The following WWOX variants were observed in gnomAD, a reference collection of about 807,000 sequenced individuals.
WWOX encodes WW domain-containing oxidoreductase.
Under a neutral mutation model 46.2 loss-of-function variants are expected in WWOX, and 69 were observed. That is an observed-to-expected ratio of 1.49 (90% CI 1.23 to 1.82). WWOX has a LOEUF of 1.82. Among genes scored for constraint, WWOX ranks in the 40% most tolerant of loss-of-function variants. WWOX has a pLI of 0.00. For missense variants in WWOX, 919 were observed against 542.6 expected, an observed-to-expected ratio of 1.69 and a Z score of -6.89; for synonymous variants, 359 against 202.6, an observed-to-expected ratio of 1.77 and a Z score of -6.56.
chr16:78,534,472 A>G (rs2043708348), intron 8 of WWOX: 1 of 152,234 alleles, frequency 6.6e-6, no homozygotes, highest in Admixed American at 6.5e-5. Flanking sequence ...ATTTTGATTC[A>G]GACGTCCACA....
intron 8 of WWOX, among the ~76,000 whole-genome samples, chr16:78,706,067 T>TTTTG (rs1555520302): frequency 6.6e-6 from 1 of 150,506 alleles, no homozygotes; most frequent in South Asian, 2.1e-4. Flanking sequence ...GGTTTTTTTT[T>TTTTG]TTTTTTTTTT....
chr16:78,857,465 A>T (rs1055198749), intron 8 of WWOX, among the ~76,000 whole-genome samples: 26 of 152,198 alleles, frequency 1.7e-4, no homozygotes, highest in Non-Finnish European at 3.8e-4. Context: ...TGTAATTCAC[A>T]GCCTCATTCC....
intron 8 of WWOX, among the ~76,000 whole-genome samples, chr16:79,100,754 G>T (rs1384377562): frequency 6.6e-6 from 1 of 152,116 alleles, no homozygotes; most frequent in Non-Finnish European, 1.5e-5. Context: ...TTCAGGGACT[G>T]GGGCTGGGCT....
chr16:78,919,527 T>C (rs1480371274), intron 8 of WWOX, among the ~76,000 whole-genome samples: 1 of 149,906 alleles, frequency 6.7e-6, no homozygotes, highest in East Asian at 2.0e-4. Context: ...TTGTTTTGTT[T>C]TTTTTTTTTT....
chr16:79,087,920 G>A (rs2048883291), intron 8 of WWOX, among the ~76,000 whole-genome samples: 2 of 152,150 alleles, frequency 1.3e-5, no homozygotes, highest in African/African-American at 4.8e-5. Context: ...GGAGGCCTAG[G>A]GACCCTTGGC....
At chr16:78,479,530 G>A (rs1366238832) in intron 8 of WWOX, among the ~76,000 whole-genome samples, 1 of 152,172 alleles carries the variant, frequency 6.6e-6, no homozygotes, top group African/African-American at 2.4e-5. Flanking sequence ...AAGTCACTTT[G>A]TGGCATGATG....
intron 8 of WWOX, among the ~76,000 whole-genome samples, chr16:78,712,825 A>G (rs1277989195): frequency 6.6e-6 from 1 of 152,208 alleles, no homozygotes; most frequent in Admixed American, 6.5e-5. Flanking sequence ...TAAATAATTC[A>G]AGATTGGAAA....
At chr16:78,558,587 C>T (rs1458516992) in intron 8 of WWOX, among the ~76,000 whole-genome samples, 2 of 152,206 alleles carry the variant, frequency 1.3e-5, no homozygotes, top group East Asian at 3.9e-4. Flanking sequence ...GGCCTGGCCT[C>T]CTAGGCATTG....
At chr16:79,178,143 A>G (rs1488935226) in intron 8 of WWOX, among the ~76,000 whole-genome samples, 3 of 152,172 alleles carry the variant, frequency 2.0e-5, no homozygotes, top group Non-Finnish European at 2.9e-5. Flanking sequence ...CAACGCTTGA[A>G]TTTTTTGAGG....
At chr16:78,567,673 G>A (rs1237585605) in intron 8 of WWOX, among the ~76,000 whole-genome samples, 1 of 151,624 alleles carries the variant, frequency 6.6e-6, no homozygotes, top group Non-Finnish European at 1.5e-5. Flanking sequence ...CTAGGGCAAA[G>A]AAGAACCAAC....
In WWOX at chr16:78,691,468, AGGCTGAAGTG is replaced by A. The variant is rs2047986144; in HGVS notation, c.1056+258719_1056+258728del. Among the ~76,000 whole-genome samples, 8 of 152,266 alleles carry A rather than the reference AGGCTGAAGTG, an allele frequency of 5.3e-5. No homozygotes were observed. The South Asian group carries it at 1.2e-3, about 24-fold the overall frequency. On this transcript the variant is annotated intron_variant, in intron 8 of 8. Coordinates refer to ENST00000566780, the MANE Select transcript of WWOX (RefSeq NM_016373.4). ...TCTCCACACTTTGGGAGGCTGAAGTAGGCTGAAGTGGGAGGATGGTTAGAGCCTAGGAGTT... is the reference window on the plus strand; with the variant it reads ...TCTCCACACTTTGGGAGGCTGAAGTAGGAGGATGGTTAGAGCCTAGGAGTT...
chr16:78,568,001 C>T (rs143667136), intron 8 of WWOX, among the ~76,000 whole-genome samples: 1 of 152,172 alleles, frequency 6.6e-6, no homozygotes, highest in Non-Finnish European at 1.5e-5. Context: ...TCTAGAGCCT[C>T]TGTTCACTAC....
At chr16:79,080,305 C>G (rs984914833) in intron 8 of WWOX, among the ~76,000 whole-genome samples, 1 of 152,298 alleles carries the variant, frequency 6.6e-6, no homozygotes, top group African/African-American at 2.4e-5. Context: ...CTCTGTACAT[C>G]TGGTTCAATT....
chr16:78,680,670 T>A (rs11150094), intron 8 of WWOX, among the ~76,000 whole-genome samples: 22 of 152,074 alleles, frequency 1.4e-4, no homozygotes, highest in Non-Finnish European at 3.1e-4. Flanking sequence ...TTACAAGTGC[T>A]AAACATCCGG....
At chr16:78,369,990 G>T (rs1877220779) in intron 5 of WWOX, among the ~76,000 whole-genome samples, 1 of 151,944 alleles carries the variant, frequency 6.6e-6, no homozygotes, top group South Asian at 2.1e-4. Flanking sequence ...AAAATAGCCA[G>T]GTGTCCTGGT....
chr16:78,447,971 C>T (rs2083600631), intron 8 of WWOX, among the ~76,000 whole-genome samples: 1 of 152,058 alleles, frequency 6.6e-6, no homozygotes, highest in East Asian at 1.9e-4. Context: ...ATCCAGCTGA[C>T]TTTTGTATTT....
chr16:79,206,452 C>T (rs998395572), intron 8 of WWOX: 1 of 152,196 alleles, frequency 6.6e-6, no homozygotes, highest in East Asian at 1.9e-4. Flanking sequence ...AGGCTTCTCT[C>T]TAAATAAATG....
At chr16:78,239,111 G>A (rs2037540887) in intron 5 of WWOX, among the ~76,000 whole-genome samples, 1 of 152,126 alleles carries the variant, frequency 6.6e-6, no homozygotes, top group Non-Finnish European at 1.5e-5. Flanking sequence ...TCCTCAGGTG[G>A]CCACTGTGTC....
chr16:78,404,619 A>G (rs182249074), intron 6 of WWOX, among the ~76,000 whole-genome samples: 5 of 152,300 alleles, frequency 3.3e-5, no homozygotes, highest in East Asian at 3.9e-4. Context: ...GGACGGGACT[A>G]TGGTTCATTT....
Sources: allele counts gnomAD v4.1 joint callset (sites outside exome capture counted in the v4.1 genomes callset), GRCh38; gene constraint gnomAD v4.1.1; transcripts MANE v1.5; gene names NCBI Gene and HGNC (gene_info 2026-07-23, HGNC 2026-07-21).